FNDC1: variants seen among roughly 807,000 people sequenced by gnomAD.
The protein encoded by FNDC1 is fibronectin type III domain containing 1, also known as fibronectin type III domain-containing protein 1.
A neutral mutation model predicts 168.0 loss-of-function variants in FNDC1; 96 were observed. The observed-to-expected ratio is 0.57, with a 90% CI of 0.48 to 0.68. FNDC1 has a LOEUF of 0.68. Among genes scored for constraint, FNDC1 ranks in the 30% least tolerant of loss-of-function variants. The pLI is 0.00. For missense variants in FNDC1, 2,587 were observed against 2,482.1 expected, an observed-to-expected ratio of 1.04 and a Z score of -0.90; for synonymous variants, 1,099 against 1,025.9, an observed-to-expected ratio of 1.07 and a Z score of -1.36.
intron 18 of FNDC1, among the ~76,000 whole-genome samples, chr6:159,256,849 A>G (rs1383960875): frequency 6.6e-6 from 1 of 152,160 alleles, no homozygotes; most frequent in Non-Finnish European, 1.5e-5. Flanking sequence ...CTGTGCTTAT[A>G]TTTTCCTCCC....
In FNDC1 at chr6:159,232,766, G is replaced by C. The variant is rs756004336; in HGVS notation, c.2254G>C (p.Ala752Pro). Reference protein sequence around the residue: ...KGGKDGEDAPATNSNAPSRST... With the variant: ...KGGKDGEDAPPTNSNAPSRST... ...CGGGAAGGATGGTGAGGACGCCCCA[G>C]CCACCAACTCCAATGCGCCATCACG... is the stretch of plus-strand genomic sequence containing the variant. The change falls in exon 11 of 23, where the codon GCC becomes CCC. Residue 752 changes from alanine (A) to proline (P), a missense_variant. Coordinates refer to ENST00000297267, the MANE Select transcript of FNDC1 (RefSeq NM_032532.3). The surrounding 1 kb of genome is among the most constrained non-coding windows in gnomAD (Gnocchi z 4.9). The C allele has an allele frequency of 1.2e-6, 2 of 1,613,942 alleles. No homozygotes were observed. Among genetic ancestry groups the C allele is most frequent in the Middle Eastern group, 1.6e-4 (1 of 6,062 alleles).
intron 1 of FNDC1, among the ~76,000 whole-genome samples, chr6:159,185,078 G>GGA (rs1781966933): frequency 2.1e-5 from 2 of 97,306 alleles, no homozygotes; most frequent in Admixed American, 1.4e-4. Flanking sequence ...GGGGGGGGGG[G>GGA]AATCTTGTTT....
In FNDC1 at chr6:159,198,259, C is replaced by T. The variant is rs541184370; in HGVS notation, c.304+634C>T. On this transcript the variant is annotated intron_variant, in intron 2 of 22. Coordinates refer to ENST00000297267, the MANE Select transcript of FNDC1 (RefSeq NM_032532.3). ...CCAGTAACCTAAAGCCCCATTGATTCTTGAACCATGTCATGGCCCAACATT... is the reference window on the plus strand; with the variant it reads ...CCAGTAACCTAAAGCCCCATTGATTTTTGAACCATGTCATGGCCCAACATT... 2.0e-3 allele frequency among the ~76,000 whole-genome samples: 306 copies of T among 152,294 alleles called. 2 individuals are homozygous for T. Among genetic ancestry groups the T allele is most frequent in the African/African-American group, 7.1e-3 (293 of 41,546 alleles).
rs781357155 is a variant in FNDC1 at position 159,267,799 on chromosome 6, T to C, written c.5447-5T>C. On this transcript the variant is annotated splice_polypyrimidine_tract_variant and splice_region_variant and intron_variant, in intron 21 of 22. Transcript: ENST00000297267. ...GTCATGGACTCAATCAATTCCTTCATGCAGATACATTCTACAGCATTGGAG... is the reference window on the plus strand; with the variant it reads ...GTCATGGACTCAATCAATTCCTTCACGCAGATACATTCTACAGCATTGGAG... 7.4e-6 allele frequency: 12 copies of C among 1,613,628 alleles called. No homozygotes were observed. The highest frequency in any genetic ancestry group is 1.0e-5 in the Non-Finnish European group (12 of 1,179,794).
intron 2 of FNDC1, 86 bp downstream of exon 2, chr6:159,197,711 A>G: frequency 7.9e-7 from 1 of 1,271,630 alleles, no homozygotes; most frequent in Non-Finnish European, 1.1e-6. Context: ...CTGTGAGACA[A>G]CCCATGGCTG....
intron 13 of FNDC1, among the ~76,000 whole-genome samples, chr6:159,239,074 G>A (rs931016707): frequency 1.3e-5 from 2 of 152,160 alleles, no homozygotes; most frequent in African/African-American, 4.8e-5. Flanking sequence ...GTGTCCATAC[G>A]CAAAGTTTTA....
chr6:159,193,785 A>G (rs1345184095), intron 1 of FNDC1, among the ~76,000 whole-genome samples: 1 of 152,176 alleles, frequency 6.6e-6, no homozygotes, highest in Non-Finnish European at 1.5e-5. Flanking sequence ...GCCCTCTTGG[A>G]TAAGTTCTGG....
At chr6:159,177,080 G>T (rs574563211) in intron 1 of FNDC1, among the ~76,000 whole-genome samples, 14 of 152,308 alleles carry the variant, frequency 9.2e-5, no homozygotes, top group African/African-American at 3.4e-4. Context: ...GTCTTGAACA[G>T]TTGAGTATGT....
intron 11 of FNDC1, among the ~76,000 whole-genome samples, chr6:159,235,347 ATTG>A (rs1287301779): frequency 6.6e-6 from 1 of 151,682 alleles, no homozygotes; most frequent in Non-Finnish European, 1.5e-5. Flanking sequence ...TGTACAATGC[ATTG>A]TTATTTTAGC....
chr6:159,182,329 C>T (rs994489648), intron 1 of FNDC1, among the ~76,000 whole-genome samples: 1 of 152,198 alleles, frequency 6.6e-6, no homozygotes, highest in African/African-American at 2.4e-5. Context: ...CAATTCTCAG[C>T]ATTTTGAGGA....
intron 4 of FNDC1, among the ~76,000 whole-genome samples, chr6:159,204,203 C>T (rs1311709091): frequency 6.6e-6 from 1 of 152,182 alleles, no homozygotes; most frequent in Non-Finnish European, 1.5e-5. Flanking sequence ...GCGGACCAGA[C>T]ATTTCCTTAT....
chr6:159,265,785 G>T (rs1416304807), intron 20 of FNDC1, among the ~76,000 whole-genome samples: 1 of 152,060 alleles, frequency 6.6e-6, no homozygotes, highest in Non-Finnish European at 1.5e-5. Context: ...AAAATTAGCC[G>T]GGTGTGGTGG....
intron 4 of FNDC1, among the ~76,000 whole-genome samples, chr6:159,209,370 A>G (rs973755387): frequency 6.6e-6 from 1 of 152,224 alleles, no homozygotes; most frequent in Admixed American, 6.5e-5. Context: ...CAAACAACAC[A>G]AACTCTTTGA....
intron 16 of FNDC1, among the ~76,000 whole-genome samples, chr6:159,250,623 C>T (rs1003147742): frequency 5.9e-5 from 9 of 152,142 alleles, no homozygotes; most frequent in Non-Finnish European, 1.0e-4. Context: ...CGTTGGCAGG[C>T]GAGATGGTAA....
At chr6:159,210,823 G>A (rs1028063552) in intron 4 of FNDC1, among the ~76,000 whole-genome samples, 3 of 152,272 alleles carry the variant, frequency 2.0e-5, no homozygotes, top group Admixed American at 6.5e-5. Flanking sequence ...ATCAGCAGCC[G>A]ACCTTCACTG....
chr6:159,232,023 A>C lies in FNDC1; in HGVS notation c.1511A>C (p.Asp504Ala). 6.2e-7 allele frequency: 1 copy of C among 1,613,954 alleles called. No individual in the cohort carries two copies. The highest frequency in any genetic ancestry group is 8.5e-7 in the Non-Finnish European group (1 of 1,179,878). ...TCTCCCCAAGGGAGAAATGCCAAGG[A>C]CCTTCTTCTTGACTTGAAGAACAAA... ...PASPQGRNAK[D>A]LLLDLKNKIL... Residue 504 changes from aspartate to alanine, a missense_variant, in exon 11 of 23, where the codon GAC becomes GCC. By Grantham distance (126) the Asp-to-Ala change is moderately radical (BLOSUM62 -2). Coordinates refer to ENST00000297267, the MANE Select transcript of FNDC1 (RefSeq NM_032532.3). The surrounding 1 kb of genome is among the most constrained non-coding windows in gnomAD (Gnocchi z 4.9).
intron 17 of FNDC1, among the ~76,000 whole-genome samples, chr6:159,255,468 C>G (rs1461816569): frequency 6.6e-6 from 1 of 152,222 alleles, no homozygotes; most frequent in African/African-American, 2.4e-5. Flanking sequence ...TCCTGCAGAG[C>G]ACTCAACTCA....
Position 159,239,698 on chromosome 6 carries a change from C to T in FNDC1, c.4362C>T (p.Thr1454=), listed in dbSNP as rs1783363363. Residue 1454 remains threonine (T), a synonymous_variant, in exon 14 of 23, where the codon ACC becomes ACT. Coordinates refer to ENST00000297267, the MANE Select transcript of FNDC1 (RefSeq NM_032532.3). ...CCCCTACCACTACCATGCAGCCCACCACTACTACGACGCCCCTGCCTACCA... is the reference window on the plus strand; with the variant it reads ...CCCCTACCACTACCATGCAGCCCACTACTACTACGACGCCCCTGCCTACCA... The part of the protein sequence containing the change: ...THPPTTTMQP[T]TTTTPLPTTT... The T allele has an allele frequency of 6.4e-7, 1 of 1,551,330 alleles. No homozygotes were observed. Among genetic ancestry groups the T allele is most frequent in the Non-Finnish European group, 8.7e-7 (1 of 1,147,000 alleles).
rs768076711 is a variant in FNDC1, at chr6:159,233,958, G to C, written c.3446G>C (p.Arg1149Pro). The C allele has an allele frequency of 1.3e-5, 21 of 1,578,274 alleles. No individual in the cohort carries two copies. Among genetic ancestry groups the C allele is most frequent in the Non-Finnish European group, 1.6e-5 (19 of 1,162,316 alleles). Reference protein sequence around the residue: ...SRPGGPQSRARVPSRAAPGKS... With the variant: ...SRPGGPQSRAPVPSRAAPGKS... ...CCCGGCGGCCCCCAGTCCCGCGCCC[G>C]GGTACCCAGCAGGGCAGCGCCGGGG... Residue 1149 changes from arginine (R) to proline (P), a missense_variant, in exon 11 of 23, where the codon CGG (arginine) becomes CCG (proline). Physicochemically the swap from Arg to Pro is moderately radical, Grantham distance 103. Transcript: ENST00000297267. This position sits in a 1 kb window ranked among gnomAD's most constrained non-coding sequence, Gnocchi z 4.6.
Sources: gnomAD v4.1 joint callset for allele counts (sites outside exome capture counted in the v4.1 genomes callset) on GRCh38, gnomAD v4.1.1 for gene constraint, Gnocchi (gnomAD v3.1) non-coding constraint, MANE v1.5 for transcripts, NCBI Gene and HGNC (gene_info 2026-07-23, HGNC 2026-07-21) for gene names.